The following KCNB2 variants were observed in gnomAD, a reference collection of about 807,000 sequenced individuals.
KCNB2 encodes delayed rectifier potassium channel protein.
KCNB2 carries 15 observed loss-of-function variants against 61.5 expected under a neutral mutation model. The ratio of observed to expected loss-of-function variants is 0.24; its 90% confidence interval spans 0.16 to 0.38. KCNB2 has a LOEUF of 0.38. Among genes scored for constraint, KCNB2 ranks in the 10% least tolerant of loss-of-function variants. The pLI is 1.00. For missense variants in KCNB2, 828 were observed against 1,125.2 expected (o/e 0.74, Z 3.78); for synonymous variants, 457 against 446.0 (o/e 1.02, Z -0.31).
chr8:72,690,620 G>A (rs1191809270), intron 2 of KCNB2, among the ~76,000 whole-genome samples: 1 of 152,146 alleles, frequency 6.6e-6, no homozygotes, highest in African/African-American at 2.4e-5. Context: ...TTCTGGAAGT[G>A]CCCAGTTTCA....
chr8:72,561,771 A>ACG (rs1806534643), intron 1 of KCNB2, among the ~76,000 whole-genome samples: 5 of 30,068 alleles, frequency 1.7e-4, no homozygotes, highest in African/African-American at 3.6e-4. Flanking sequence ...GGATATATAT[A>ACG]TATATGGATA....
intron 2 of KCNB2, among the ~76,000 whole-genome samples, chr8:72,621,985 T>A (rs1027411402): frequency 6.6e-6 from 1 of 152,210 alleles, no homozygotes; most frequent in Non-Finnish European, 1.5e-5. Flanking sequence ...AAATTATATA[T>A]GGTTAACAGT....
chr8:72,775,724 TAAA>T (rs59529067), intron 2 of KCNB2, among the ~76,000 whole-genome samples: 3 of 145,714 alleles, frequency 2.1e-5, no homozygotes, highest in Non-Finnish European at 3.0e-5. Flanking sequence ...GAATGAGCTT[TAAA>T]AAAAAAAAAA....
chr8:72,554,141 C>A (rs1421464513), intron 1 of KCNB2, among the ~76,000 whole-genome samples: 1 of 152,018 alleles, frequency 6.6e-6, no homozygotes, highest in Non-Finnish European at 1.5e-5. Flanking sequence ...TTATCTGGGC[C>A]TACAAAACGC....
chr8:72,636,232 T>A (rs1020897825), intron 2 of KCNB2, among the ~76,000 whole-genome samples: 1 of 152,184 alleles, frequency 6.6e-6, no homozygotes, highest in Non-Finnish European at 1.5e-5. Context: ...ATGGTTTTAG[T>A]TAAGCTGAAA....
intron 2 of KCNB2, among the ~76,000 whole-genome samples, chr8:72,753,554 C>A (rs980166209): frequency 1.3e-5 from 2 of 152,078 alleles, no homozygotes; most frequent in Admixed American, 6.6e-5. Context: ...AGGATGTAAC[C>A]AATTGAGTAG....
chr8:72,637,199 G>A (rs1320767697), intron 2 of KCNB2, among the ~76,000 whole-genome samples: 2 of 152,084 alleles, frequency 1.3e-5, no homozygotes, highest in Non-Finnish European at 1.5e-5. Context: ...AGGATGCGAT[G>A]GTTTACTGCA....
intron 2 of KCNB2, among the ~76,000 whole-genome samples, chr8:72,663,742 G>T: frequency 6.6e-6 from 1 of 152,118 alleles, no homozygotes; most frequent in East Asian, 1.9e-4. Context: ...GAGATAGATT[G>T]GTGTGGAAAC....
intron 2 of KCNB2, among the ~76,000 whole-genome samples, chr8:72,689,471 A>C (rs1046849176): frequency 6.6e-6 from 1 of 152,190 alleles, no homozygotes; most frequent in African/African-American, 2.4e-5. Context: ...ATGTTTGCAG[A>C]GTTGTGCAAG....
At chr8:72,891,157 G>A (rs1016991470) in intron 2 of KCNB2, among the ~76,000 whole-genome samples, 1 of 152,256 alleles carries the variant, frequency 6.6e-6, no homozygotes, top group Admixed American at 6.5e-5. Context: ...TTTGTGTTTT[G>A]TTAGAAAAAT....
chr8:72,542,914 G>A (rs1318383366), intron 1 of KCNB2, among the ~76,000 whole-genome samples: 1 of 152,158 alleles, frequency 6.6e-6, no homozygotes, highest in African/African-American at 2.4e-5. Flanking sequence ...AAGACACTAT[G>A]CACTCACAGC....
chr8:72,666,486 C>A (rs1806474765), intron 2 of KCNB2, among the ~76,000 whole-genome samples: 2 of 152,132 alleles, frequency 1.3e-5, no homozygotes, highest in Admixed American at 1.3e-4. Context: ...GTGTAATTTT[C>A]ATACCACTAT....
At chr8:72,688,340 C>G (rs938489612) in intron 2 of KCNB2, among the ~76,000 whole-genome samples, 2 of 152,132 alleles carry the variant, frequency 1.3e-5, no homozygotes, top group South Asian at 2.1e-4. Context: ...ACCTATTCAA[C>G]GTTCCCAAGT....
chr8:72,896,875 G>T (rs1245315116), intron 2 of KCNB2, among the ~76,000 whole-genome samples: 1 of 152,026 alleles, frequency 6.6e-6, no homozygotes, highest in East Asian at 1.9e-4. Context: ...ATCAAAATCA[G>T]AAACTTTATT....
At chr8:72,660,238 A>C (rs563587176) in intron 2 of KCNB2, among the ~76,000 whole-genome samples, 2 of 152,250 alleles carry the variant, frequency 1.3e-5, no homozygotes, top group East Asian at 3.9e-4. Flanking sequence ...TACTTTTTTC[A>C]AGTGGGAAGG....
intron 2 of KCNB2, among the ~76,000 whole-genome samples, chr8:72,714,194 T>G (rs1049034220): frequency 6.6e-5 from 10 of 152,316 alleles, no homozygotes; most frequent in African/African-American, 2.4e-4. Flanking sequence ...TTGGTGTACC[T>G]GAAAGTGATG....
intron 2 of KCNB2, among the ~76,000 whole-genome samples, chr8:72,629,500 G>A (rs768356526): frequency 2.2e-4 from 34 of 152,160 alleles, no homozygotes; most frequent in Admixed American, 3.9e-4. Context: ...AGCCTTATTG[G>A]TCTGGCCTGA....
chr8:72,747,842 A>G (rs1471893186), intron 2 of KCNB2, among the ~76,000 whole-genome samples: 1 of 152,222 alleles, frequency 6.6e-6, no homozygotes, highest in Non-Finnish European at 1.5e-5. Flanking sequence ...GCTTAGCATA[A>G]AGTTCAAACC....
At chr8:72,909,164 A>G (rs1806234959) in intron 2 of KCNB2, among the ~76,000 whole-genome samples, 1 of 152,166 alleles carries the variant, frequency 6.6e-6, no homozygotes, top group Non-Finnish European at 1.5e-5. Flanking sequence ...GGGCAACTCC[A>G]TGTGGTAAGT....
Sources: allele counts gnomAD v4.1 joint callset (sites outside exome capture counted in the v4.1 genomes callset), GRCh38; gene constraint gnomAD v4.1.1; transcripts MANE v1.5; gene names NCBI Gene and HGNC (gene_info 2026-07-23, HGNC 2026-07-21).